VCP: variants seen among roughly 807,000 people sequenced by gnomAD.
VCP encodes valosin containing protein.
In VCP, 6 loss-of-function variants were observed where a neutral mutation model predicts 85.7. The observed-to-expected ratio is 0.07, with a 90% CI of 0.04 to 0.14. The LOEUF is 0.14. VCP is among the 10% of genes least tolerant of loss of function. The pLI, the probability that VCP is intolerant of heterozygous loss-of-function variation, is 1.00. For synonymous variants in VCP, 384 were observed against 367.1 expected, an observed-to-expected ratio of 1.05 and a Z score of -0.53; for missense variants, 353 against 1,043.4, an observed-to-expected ratio of 0.34 and a Z score of 9.12.
intron 4 of VCP, 136 bp from the exon 5 acceptor site, chr9:35,065,517 A>C: frequency 1.8e-6 from 2 of 1,115,864 alleles, no homozygotes; most frequent in East Asian, 2.6e-5. Context: ...CCTCTCCCCA[A>C]CTCCACCCCA....
chr9:35,058,865 T>C (rs1828664981), intron 15 of VCP, among the ~76,000 whole-genome samples, 199 bp downstream of exon 15: 1 of 152,254 alleles, frequency 6.6e-6, no homozygotes. Context: ...AGACTGAGAA[T>C]GGAGCCTGAC....
Position 35,059,694 on chromosome 9 carries a change from G to A in VCP, c.1803C>T (p.Ile601=), listed in dbSNP as rs1281169621. 1 of 1,614,118 alleles carries A rather than the reference G, an allele frequency of 6.2e-7. No individual in the cohort carries two copies. The highest frequency in any genetic ancestry group is 1.1e-5 in the South Asian group (1 of 91,072). ...CATCCATTTCTGTCAGGATCTGGTTGATGACTCGGTCAGCAGCCCCACCAC... is the reference window on the plus strand; with the variant it reads ...CATCCATTTCTGTCAGGATCTGGTTAATGACTCGGTCAGCAGCCCCACCAC... The part of the protein sequence containing the change: ...GDGGGAADRV[I]NQILTEMDGM... The change falls in exon 14 of 17, where the codon ATC becomes ATT. Residue 601 remains isoleucine (I), a synonymous_variant. Coordinates refer to ENST00000358901, the MANE Select transcript of VCP (RefSeq NM_007126.5). The surrounding 1 kb of genome is among the most constrained non-coding windows in gnomAD (Gnocchi z 4.9).
chr9:35,062,083 C>G lies in VCP; in HGVS notation c.1001G>C (p.Gly334Ala). The G allele has an allele frequency of 6.2e-7, 1 of 1,614,122 alleles. No individual in the cohort carries two copies. Among genetic ancestry groups the G allele is most frequent in the Non-Finnish European group, 8.5e-7 (1 of 1,180,038 alleles). Residue 334 changes from glycine (G) to alanine (A), a missense_variant, in exon 9 of 17, where the codon GGC becomes GCC. Gly to Ala is a moderately conservative substitution (Grantham distance 60). Transcript: ENST00000358901. ...IVSQLLTLMD[G>A]LKQRAHVIVM... Reference sequence around the variant, plus strand: ...AATCACATGTGCCCTCTGCTTTAGGCCATCCATGAGGGTCAACAACTGTGA... The same window carrying G: ...AATCACATGTGCCCTCTGCTTTAGGGCATCCATGAGGGTCAACAACTGTGA...
In VCP at chr9:35,059,873, C is replaced by T. The variant is rs949238745; in HGVS notation, c.1696-72G>A. On this transcript the variant is annotated intron_variant, in intron 13 of 16. Transcript: ENST00000358901. The surrounding 1 kb of genome is among the most constrained non-coding windows in gnomAD (Gnocchi z 4.9). Reference sequence around the variant, plus strand: ...TCTAGGCAAACGTGGTGGCTCACACCTGTATTCCCAGCACTTTGGGAGGCC... The same window carrying T: ...TCTAGGCAAACGTGGTGGCTCACACTTGTATTCCCAGCACTTTGGGAGGCC... 5 of 1,599,812 alleles carry T rather than the reference C, an allele frequency of 3.1e-6. No homozygotes were observed. The African/African-American group carries it at 6.7e-5, about 21-fold the overall frequency.
Position 35,071,694 on chromosome 9 carries a change from G to A in VCP, c.17+643C>T, listed in dbSNP as rs918604554. The A allele has an allele frequency of 8.1e-6, 8 of 984,656 alleles. No individual in the cohort carries two copies. In the South Asian group the frequency reaches 3.7e-4, roughly 46 times the overall value. The allele number at this position is 984,656 out of a possible 1,614,324, so 61.0% of individuals were successfully genotyped here. On this transcript the variant is annotated intron_variant, in intron 1 of 16. Transcript: ENST00000358901. ...TAAAGTAAGAAGACCAGAAGCGAAA[G>A]GTAGGGCTCGCCCTCTCCCTAACAG... is the stretch of plus-strand genomic sequence containing the variant.
In VCP at chr9:35,056,152, G is replaced by T. The variant is rs1828599449; in HGVS notation, c.*965C>A. ...TGTAAGTGATCACCAACCAGGGGAT[G>T]TTTGGGATTTTTAGATGCATTAAAA... On this transcript the variant is annotated 3_prime_UTR_variant, in exon 17 of 17. Coordinates refer to ENST00000358901, the MANE Select transcript of VCP (RefSeq NM_007126.5). The T allele has an allele frequency of 6.6e-6, 1 of 151,992 alleles. No homozygotes were observed. The highest frequency in any genetic ancestry group is 2.4e-5 in the African/African-American group (1 of 41,336). 9.4% of individuals were successfully genotyped at this position (151,992 alleles called of 1,614,324 possible). A position where few individuals can be genotyped will look rare whatever the true frequency, so the allele number is the denominator to read the frequency against.
At chr9:35,063,186 A>G (rs1413287067) in intron 6 of VCP, 106 bp from the exon 7 acceptor site, 2 of 959,074 alleles carry the variant, frequency 2.1e-6, no homozygotes, top group East Asian at 2.4e-5. Context: ...AACCCTGACA[A>G]TATTAAGAAT....
chr9:35,068,157 T>C, intron 2 of VCP, 94 bp from the exon 3 acceptor site: 1 of 1,605,428 alleles, frequency 6.2e-7, no homozygotes, highest in Non-Finnish European at 8.5e-7. Context: ...CCCCACTCTA[T>C]CTGCAGTCAC....
chr9:35,061,785 T>C, intron 9 of VCP, 96 bp from the exon 10 acceptor site: 1 of 1,375,548 alleles, frequency 7.3e-7, no homozygotes, highest in Non-Finnish European at 1.0e-6. Flanking sequence ...AGCACAGGAT[T>C]GTCCTAATGC....
intron 1 of VCP, among the ~76,000 whole-genome samples, chr9:35,070,480 C>G (rs1324683525): frequency 6.6e-6 from 1 of 152,162 alleles, no homozygotes; most frequent in Non-Finnish European, 1.5e-5. Flanking sequence ...GTTGCCCAGG[C>G]TGGAGTGCAG....
At chr9:35,058,680 T>C (rs1267492385) in intron 15 of VCP, among the ~76,000 whole-genome samples, 1 of 152,000 alleles carries the variant, frequency 6.6e-6, no homozygotes, top group Admixed American at 6.6e-5. Flanking sequence ...GGCAGGAGAA[T>C]CGCTTGAACC....
At chr9:35,071,925 GCT>G (rs748189255) in intron 1 of VCP, 34 of 1,021,444 alleles carry the variant, frequency 3.3e-5, no homozygotes, top group Admixed American at 6.0e-5. Context: ...CGCGGGGCCT[GCT>G]CTCTCCGGGG....
chr9:35,072,607 C>T lies in VCP; in HGVS notation c.-254G>A. 2.1e-6 allele frequency: 1 copy of T among 478,256 alleles called. No individual in the cohort carries two copies. The highest frequency in any genetic ancestry group is 3.6e-6 in the Non-Finnish European group (1 of 274,380). 29.6% of individuals were successfully genotyped at this position (478,256 alleles called of 1,614,324 possible). On this transcript the variant is annotated 5_prime_UTR_variant, in exon 1 of 17. Coordinates refer to ENST00000358901, the MANE Select transcript of VCP (RefSeq NM_007126.5). ...GCAGCGACGACTCAAACGACGGTCG[C>T]AGACGCTTCGCTGAGACTGAGCCGA...
At chr9:35,069,383 C>T (rs573469169) in intron 1 of VCP, among the ~76,000 whole-genome samples, 3 of 151,696 alleles carry the variant, frequency 2.0e-5, no homozygotes, top group African/African-American at 7.3e-5. Context: ...GACAGTGACA[C>T]CAACTTATTA....
chr9:35,058,037 C>T (rs1219536871), intron 15 of VCP, among the ~76,000 whole-genome samples: 1 of 152,176 alleles, frequency 6.6e-6, no homozygotes, highest in Non-Finnish European at 1.5e-5. Flanking sequence ...CTTAAATCTA[C>T]CCAGGGTTTC....
At position 35,057,142 on chromosome 9, in the gene VCP, T is replaced by G; in HGVS notation, c.2396A>C (p.Asp799Ala). 2 of 1,614,152 alleles carry G rather than the reference T, an allele frequency of 1.2e-6. No homozygotes were observed. Among genetic ancestry groups the G allele is most frequent in the Non-Finnish European group, 1.7e-6 (2 of 1,180,020 alleles). The change falls in exon 17 of 17, where the codon GAC becomes GCC. Residue 799 changes from aspartate (D) to alanine (A), a missense_variant. Physicochemically the swap from Asp to Ala is moderately radical, Grantham distance 126. This residue lies in a region of VCP where 93 missense variants were observed against 197.1 expected (regional missense o/e 0.47). Coordinates refer to ENST00000358901, the MANE Select transcript of VCP (RefSeq NM_007126.5). ...GGTGGSVYTEDNDDDLYG is the reference protein window; with the variant it reads ...GGTGGSVYTEANDDDLYG Reference sequence around the variant, plus strand: ...TTAGCCATACAGGTCATCATCATTGTCTTCTGTGTATACACTGCCACCTGT... The same window carrying G: ...TTAGCCATACAGGTCATCATCATTGGCTTCTGTGTATACACTGCCACCTGT...
chr9:35,071,690 G>C (rs1828948608), intron 1 of VCP: 2 of 984,432 alleles, frequency 2.0e-6, no homozygotes, highest in Non-Finnish European at 2.4e-6. Flanking sequence ...GACCAGAAGC[G>C]AAAGGTAGGG....
At chr9:35,071,785 A>C (rs548850787) in intron 1 of VCP, 10 of 988,374 alleles carry the variant, frequency 1.0e-5, no homozygotes, top group Non-Finnish European at 1.2e-5. Context: ...GGCTCCAAAA[A>C]GGCGGCTGTG....
chr9:35,060,759 A>T, intron 12 of VCP, 42 bp downstream of exon 12: 2 of 1,614,024 alleles, frequency 1.2e-6, no homozygotes, highest in Non-Finnish European at 1.7e-6. Flanking sequence ...ATCAATTACA[A>T]TGTACTGAGA....
Sources: allele counts gnomAD v4.1 joint callset (sites outside exome capture counted in the v4.1 genomes callset), GRCh38; gene constraint gnomAD v4.1.1; regional missense constraint gnomAD v4.1.1; non-coding constraint Gnocchi (gnomAD v3.1); transcripts MANE v1.5; gene names NCBI Gene and HGNC (gene_info 2026-07-23, HGNC 2026-07-21).